The following COL21A1 variants were observed in gnomAD, a reference collection of about 807,000 sequenced individuals.
COL21A1 encodes the protein collagen type XXI alpha 1 chain, also known as collagen alpha-1(XXI) chain.
In COL21A1, 149 loss-of-function variants were observed where a neutral mutation model predicts 137.9. That is an observed-to-expected ratio of 1.08 (90% CI 0.95 to 1.24). COL21A1 has a LOEUF of 1.24. COL21A1 is among the 50% of genes most tolerant of loss of function. The pLI is 0.00. For missense variants in COL21A1, 1,167 were observed against 1,158.4 expected (o/e 1.01, Z -0.11); for synonymous variants, 456 against 391.5 (o/e 1.16, Z -1.95).
chr6:56,239,302 C>T (rs1409972776), intron 1 of COL21A1, among the ~76,000 whole-genome samples: 1 of 152,116 alleles, frequency 6.6e-6, no homozygotes, highest in Non-Finnish European at 1.5e-5. Flanking sequence ...TTATCTCTCA[C>T]TTGTATAGGA....
At chr6:56,183,903 G>T (rs1166969301) in intron 1 of COL21A1, among the ~76,000 whole-genome samples, 2 of 152,068 alleles carry the variant, frequency 1.3e-5, no homozygotes, top group African/African-American at 4.8e-5. Flanking sequence ...ACAAACATCA[G>T]AAAATGGTTT....
At chr6:56,164,535 C>A (rs370710118) in intron 8 of COL21A1, 29 bp from the exon 9 acceptor site, 2 of 1,480,620 alleles carry the variant, frequency 1.4e-6, no homozygotes, top group Non-Finnish European at 1.9e-6. Flanking sequence ...AAACAGACAA[C>A]AAGCATGGAA....
At chr6:56,081,435 A>G (rs1027278815) in intron 17 of COL21A1, among the ~76,000 whole-genome samples, 1 of 151,798 alleles carries the variant, frequency 6.6e-6, no homozygotes, top group African/African-American at 2.4e-5. Context: ...GAGTAATACT[A>G]TCATGACTTT....
intron 1 of COL21A1, among the ~76,000 whole-genome samples, chr6:56,358,725 C>G (rs1765895443): frequency 6.6e-6 from 1 of 151,978 alleles, no homozygotes; most frequent in African/African-American, 2.4e-5. Flanking sequence ...GTCCCCAAGT[C>G]AGGAGAGATA....
At chr6:56,275,730 C>T (rs987750305) in intron 1 of COL21A1, among the ~76,000 whole-genome samples, 7 of 152,108 alleles carry the variant, frequency 4.6e-5, no homozygotes, top group Non-Finnish European at 1.0e-4. Context: ...ATGACAGATT[C>T]TGGCAATGCT....
At chr6:56,376,449 T>G (rs891041345) in intron 1 of COL21A1, among the ~76,000 whole-genome samples, 2 of 151,208 alleles carry the variant, frequency 1.3e-5, no homozygotes, top group Non-Finnish European at 2.9e-5. Context: ...AAAGAAAGTT[T>G]TTTTTTTTTT....
At chr6:56,082,929 G>T (rs1767918576) in intron 17 of COL21A1, among the ~76,000 whole-genome samples, 1 of 151,654 alleles carries the variant, frequency 6.6e-6, no homozygotes, top group Admixed American at 6.6e-5. Context: ...GCATAACACA[G>T]CCCATTGTGA....
At chr6:56,352,153 C>CA (rs1364239086) in intron 1 of COL21A1, among the ~76,000 whole-genome samples, 1 of 147,614 alleles carries the variant, frequency 6.8e-6, no homozygotes, top group Non-Finnish European at 1.5e-5. Flanking sequence ...AAAATTGATG[C>CA]AAAAAATCCA....
intron 16 of COL21A1, among the ~76,000 whole-genome samples, chr6:56,116,376 C>T (rs1337808216): frequency 3.8e-5 from 4 of 106,264 alleles, no homozygotes; most frequent in Non-Finnish European, 7.2e-5. Context: ...TGATGCATGA[C>T]ATTTTTTAAG....
At chr6:56,060,709 A>G (rs1199589442) in intron 27 of COL21A1, 32 bp downstream of exon 27, 80 of 1,549,786 alleles carry the variant, frequency 5.2e-5, no homozygotes, top group Non-Finnish European at 6.6e-5. Context: ...TAATTTGAGA[A>G]AAGTTATTAA....
intron 17 of COL21A1, among the ~76,000 whole-genome samples, chr6:56,097,007 T>C (rs1769383167): frequency 6.6e-6 from 1 of 151,488 alleles, no homozygotes; most frequent in African/African-American, 2.4e-5. Flanking sequence ...CAAGTTTTCA[T>C]TAATTGTTAA....
At position 56,057,744 on chromosome 6, in the gene COL21A1, T is replaced by C; in HGVS notation, c.2787A>G (p.Gln929=). The change falls in exon 30 of 30, where the codon CAA becomes CAG. Residue 929 remains glutamine (Q), a synonymous_variant. Coordinates refer to ENST00000244728, the MANE Select transcript of COL21A1 (RefSeq NM_030820.4). The part of the protein sequence containing the change: ...GDHGKPGIQG[Q]PGPPGICDPS... ...GGTCGCAGATGCCTGGGGGGCCTGG[T>C]TGCCCTTGGATTCCAGGTTTTCCAT... is the stretch of plus-strand genomic sequence containing the variant. 1 of 1,612,656 alleles carries C rather than the reference T, an allele frequency of 6.2e-7. No individual in the cohort carries two copies. Among genetic ancestry groups the C allele is most frequent in the Non-Finnish European group, 8.5e-7 (1 of 1,179,376 alleles).
intron 24 of COL21A1, 89 bp from the exon 25 acceptor site, chr6:56,061,770 T>C: frequency 1.1e-6 from 1 of 872,860 alleles, no homozygotes; most frequent in Non-Finnish European, 1.7e-6. Flanking sequence ...CTTAATTAAA[T>C]TTAAAATTTC....
At chr6:56,299,249 C>A (rs561360491) in intron 1 of COL21A1, among the ~76,000 whole-genome samples, 5 of 150,946 alleles carry the variant, frequency 3.3e-5, no homozygotes, top group Admixed American at 1.3e-4. Flanking sequence ...CTACATAGAA[C>A]CTTTCTGCTT....
intron 16 of COL21A1, among the ~76,000 whole-genome samples, chr6:56,109,895 G>A (rs1045808608): frequency 6.6e-6 from 1 of 151,946 alleles, no homozygotes; most frequent in Non-Finnish European, 1.5e-5. Flanking sequence ...CACCTGCAAA[G>A]CTCAGGCCCA....
At chr6:56,254,603 T>TAAACA (rs1782925978) in intron 1 of COL21A1, among the ~76,000 whole-genome samples, 1 of 152,228 alleles carries the variant, frequency 6.6e-6, no homozygotes, top group Non-Finnish European at 1.5e-5. Context: ...TAATTGTTTA[T>TAAACA]AAAGCTCCCT....
intron 1 of COL21A1, among the ~76,000 whole-genome samples, chr6:56,304,284 T>G (rs1764378762): frequency 6.6e-6 from 1 of 152,004 alleles, no homozygotes; most frequent in South Asian, 2.1e-4. Flanking sequence ...TTTCTATTGA[T>G]TGGAATAGTT....
chr6:56,075,435 C>A, intron 19 of COL21A1, 44 bp downstream of exon 19: 1 of 1,481,710 alleles, frequency 6.7e-7, no homozygotes, highest in South Asian at 1.3e-5. Context: ...GTAGTAGCAA[C>A]ACTGCAAACA....
intron 1 of COL21A1, among the ~76,000 whole-genome samples, chr6:56,197,292 G>A (rs941518124): frequency 2.6e-5 from 4 of 151,994 alleles, no homozygotes; most frequent in Non-Finnish European, 5.9e-5. Flanking sequence ...TAATAACACT[G>A]GTCTCGGCAA....
Sources: gnomAD v4.1 joint callset for allele counts (sites outside exome capture counted in the v4.1 genomes callset) on GRCh38, gnomAD v4.1.1 for gene constraint, MANE v1.5 for transcripts, NCBI Gene and HGNC (gene_info 2026-07-23, HGNC 2026-07-21) for gene names.